The following CABS1 variants were observed in gnomAD, a reference collection of about 807,000 sequenced individuals.
The protein encoded by CABS1 is calcium-binding and spermatid-specific protein 1.
For missense variants in CABS1, 500 were observed against 464.3 expected (o/e 1.08, Z -0.71); for synonymous variants, 195 against 169.0 (o/e 1.15, Z -1.19).
rs1451663551 is a variant in CABS1, at chr4:70,335,679, G to A, written c.640G>A (p.Glu214Lys). The change falls in exon 1 of 2, where the codon GAG becomes AAG. Residue 214 changes from glutamate (E) to lysine (K), a missense_variant. Glu to Lys is a moderately conservative substitution (Grantham distance 56, BLOSUM62 1). Transcript: ENST00000273936. ...CCAGGTCACTGATTCCACTATTCCT[G>A]AGGCTGAAATCCCTCCTGCTCCTGA... ...AVQVTDSTIPEAEIPPAPEES... is the reference protein window; with the variant it reads ...AVQVTDSTIPKAEIPPAPEES... The A allele has an allele frequency of 1.2e-6, 2 of 1,613,516 alleles. No individual in the cohort carries two copies. The highest frequency in any genetic ancestry group is 1.7e-5 in the Admixed American group (1 of 59,934).
chr4:70,335,225 AACT>A lies in CABS1; in HGVS notation c.189_191del (p.Thr64del). On this transcript the variant is annotated inframe_deletion, in exon 1 of 2. Transcript: ENST00000273936. ...ATATGCTAGAAAGCGATTTTTCAAC[AACT>A]ACAGACAACAAACTGACAGCTAAAA... 1 of 1,613,680 alleles carries A rather than the reference AACT, an allele frequency of 6.2e-7. No individual in the cohort carries two copies. The highest frequency in any genetic ancestry group is 1.1e-5 in the South Asian group (1 of 91,048).
Position 70,336,212 on chromosome 4 carries a change from T to C in CABS1, c.1173T>C (p.Asp391=). The change falls in exon 1 of 2, where the codon GAT becomes GAC. Residue 391 remains aspartate (D), a synonymous_variant. Coordinates refer to ENST00000273936, the MANE Select transcript of CABS1 (RefSeq NM_033122.4). The stretch of plus-strand genomic sequence containing the variant: ...TTGAACTACTGAAAGAAGAACCCGA[T>C]GAGTTCATGATTTAAAAGCAACAAA... ...DIFELLKEEP[D]EFMI 6.2e-7 allele frequency: 1 copy of C among 1,610,450 alleles called. No homozygotes were observed. The highest frequency in any genetic ancestry group is 8.5e-7 in the Non-Finnish European group (1 of 1,178,386).
In CABS1 at chr4:70,335,592, G is replaced by A; in HGVS notation, c.553G>A (p.Glu185Lys). The change falls in exon 1 of 2, where the codon GAA becomes AAA. Residue 185 changes from glutamate to lysine, a missense_variant. By Grantham distance (56) the Glu-to-Lys change is moderately conservative. Coordinates refer to ENST00000273936, the MANE Select transcript of CABS1 (RefSeq NM_033122.4). ...TCCTGCCTTTCCACGTAAAAAGGAT[G>A]AAGCTGATATGAGCAATTATAATTC... ...DAPAFPRKKD[E>K]ADMSNYNSSI... 6.2e-7 allele frequency: 1 copy of A among 1,613,616 alleles called. No homozygotes were observed. The highest frequency in any genetic ancestry group is 8.5e-7 in the Non-Finnish European group (1 of 1,179,748).
Position 70,335,082 on chromosome 4 carries a change from A to G in CABS1, c.43A>G (p.Thr15Ala), listed in dbSNP as rs115130040. The change falls in exon 1 of 2, where the codon ACA becomes GCA. Residue 15 changes from threonine (T) to alanine (A), a missense_variant. Thr to Ala is a moderately conservative substitution (Grantham distance 58). Transcript: ENST00000273936. ...GLPKIYSHPP[T>A]ESSKTPTAAT... ...GCCCAAAATTTATTCTCATCCTCCA[A>G]CAGAAAGCAGTAAAACACCAACTGC... 5,659 of 1,613,462 alleles carry G rather than the reference A, an allele frequency of 3.5e-3. 138 individuals are homozygous for G. The African/African-American group carries it at 0.057, about 16-fold the overall frequency.
chr4:70,336,064 A>G lies in CABS1; in HGVS notation c.1025A>G (p.Asp342Gly). ...GTGGAAGAATCATCTACAGAAGAAGATTTGTCTGAAACTGATAATACAGAG... is the reference window on the plus strand; with the variant it reads ...GTGGAAGAATCATCTACAGAAGAAGGTTTGTCTGAAACTGATAATACAGAG... ...NLVEESSTEE[D>G]LSETDNTETV... Residue 342 changes from aspartate to glycine, a missense_variant, in exon 1 of 2, where the codon GAT becomes GGT. Asp to Gly is a moderately conservative substitution (Grantham distance 94). Transcript: ENST00000273936. 11 of 1,613,398 alleles carry G rather than the reference A, an allele frequency of 6.8e-6. No homozygotes were observed. Among genetic ancestry groups the G allele is most frequent in the Non-Finnish European group, 9.3e-6 (11 of 1,179,592 alleles).
In CABS1 at chr4:70,336,338, G is replaced by C. The variant is rs182928869; in HGVS notation, c.*111G>C. ...AACCTTTAGAAATGAAAGAATGTGGGCATTTAAGGCAAGTATTCGACTCAA... is the reference window on the plus strand; with the variant it reads ...AACCTTTAGAAATGAAAGAATGTGGCCATTTAAGGCAAGTATTCGACTCAA... On this transcript the variant is annotated 3_prime_UTR_variant, in exon 1 of 2. Transcript: ENST00000273936. 7.3e-7 allele frequency: 1 copy of C among 1,378,168 alleles called. No individual in the cohort carries two copies. Among genetic ancestry groups the C allele is most frequent in the Admixed American group, 3.0e-5 (1 of 33,484 alleles). 85.4% of individuals were successfully genotyped at this position (1,378,168 alleles called of 1,614,324 possible). A position where few individuals can be genotyped will look rare whatever the true frequency, so the allele number is the denominator to read the frequency against.
chr4:70,335,045 T>C lies in CABS1; in HGVS notation c.6T>C (p.Ala2=), dbSNP rs373354793. Residue 2 remains alanine (A), a synonymous_variant, in exon 1 of 2, where the codon GCT becomes GCC. Coordinates refer to ENST00000273936, the MANE Select transcript of CABS1 (RefSeq NM_033122.4). M[A]EDGLPKIYSH... The stretch of plus-strand genomic sequence containing the variant: ...GCACAGTGCCACTTCGCCCCATGGC[T>C]GAAGATGGTTTGCCCAAAATTTATT... The C allele has an allele frequency of 2.4e-5, 38 of 1,612,036 alleles. No homozygotes were observed. Among genetic ancestry groups the C allele is most frequent in the Middle Eastern group, 1.7e-4 (1 of 6,044 alleles).
rs1366967060 is a variant in CABS1 at position 70,335,142 on chromosome 4, C to T, written c.103C>T (p.Pro35Ser). 1 of 1,613,810 alleles carries T rather than the reference C, an allele frequency of 6.2e-7. No homozygotes were observed. Among genetic ancestry groups the T allele is most frequent in the South Asian group, 1.1e-5 (1 of 91,078 alleles). Residue 35 changes from proline to serine, a missense_variant, in exon 1 of 2, where the codon CCC becomes TCC. By Grantham distance (74) the Pro-to-Ser change is moderately conservative. Coordinates refer to ENST00000273936, the MANE Select transcript of CABS1 (RefSeq NM_033122.4). ...TTTCTTTGGGGCTGACAATGCTATTCCCAAATCAGAAACAACTATTACTTC... is the reference window on the plus strand; with the variant it reads ...TTTCTTTGGGGCTGACAATGCTATTTCCAAATCAGAAACAACTATTACTTC... ...TIFFGADNAI[P>S]KSETTITSEG...
chr4:70,335,482 C>T lies in CABS1; in HGVS notation c.443C>T (p.Thr148Ile), dbSNP rs762048196. 53 of 1,613,572 alleles carry T rather than the reference C, an allele frequency of 3.3e-5. No individual in the cohort carries two copies. The highest frequency in any genetic ancestry group is 4.3e-5 in the Non-Finnish European group (51 of 1,179,790). The change falls in exon 1 of 2, where the codon ACC becomes ATC. Residue 148 changes from threonine to isoleucine, a missense_variant. Physicochemically the swap from Thr to Ile is moderately conservative, Grantham distance 89 (BLOSUM62 -1). Transcript: ENST00000273936. Reference protein sequence around the residue: ...DIAKEDILLATIDTGDAEISI... With the variant: ...DIAKEDILLAIIDTGDAEISI... ...GCAAAAGAAGATATCCTCTTAGCTA[C>T]CATTGACACAGGAGATGCAGAGATC...
Position 70,334,993 on chromosome 4 carries a change from G to A in CABS1, c.-47G>A. On this transcript the variant is annotated 5_prime_UTR_variant, in exon 1 of 2. Transcript: ENST00000273936. The stretch of plus-strand genomic sequence containing the variant: ...TGCTCTCCTGCCTAGAGATACCACT[G>A]AGTCCAGAAGCAAGACCTGTGAGAG... 1.9e-6 allele frequency: 3 copies of A among 1,554,190 alleles called. No homozygotes were observed. Among genetic ancestry groups the A allele is most frequent in the Non-Finnish European group, 2.6e-6 (3 of 1,150,702 alleles).
In CABS1 at chr4:70,336,068, G is replaced by C; in HGVS notation, c.1029G>C (p.Leu343Phe). The C allele has an allele frequency of 6.2e-7, 1 of 1,613,308 alleles. No individual in the cohort carries two copies. Among genetic ancestry groups the C allele is most frequent in the Non-Finnish European group, 8.5e-7 (1 of 1,179,558 alleles). Residue 343 changes from leucine to phenylalanine, a missense_variant, in exon 1 of 2, where the codon TTG becomes TTC. Transcript: ENST00000273936. ...LVEESSTEED[L>F]SETDNTETVP... ...AAGAATCATCTACAGAAGAAGATTT[G>C]TCTGAAACTGATAATACAGAGACTG...
chr4:70,336,465 T>A (rs1240036853), intron 1 of CABS1, 119 bp downstream of exon 1: 1 of 403,574 alleles, frequency 2.5e-6, no homozygotes, highest in Admixed American at 4.3e-5. Flanking sequence ...AAAGTTTCAA[T>A]ATTCTAACAA....
Position 70,335,347 on chromosome 4 carries a change from CA to C in CABS1, c.311del (p.Asn104ThrfsTer3), listed in dbSNP as rs750487207. ...GAAATTACCTCTCTGACTGGCACTA[CA>C]AACTCCATAACAAGAGACTCTATTA... ...QKEITSLTGT[T>X]NSITRDSITE... On this transcript the variant is annotated frameshift_variant, in exon 1 of 2. Transcript: ENST00000273936. LOFTEE classifies it low-confidence loss of function (END_TRUNC). The C allele has an allele frequency of 1.1e-5, 18 of 1,613,746 alleles. 1 individual carries two copies. The highest frequency in any genetic ancestry group is 5.5e-5 in the South Asian group (5 of 91,084).
chr4:70,335,729 C>T lies in CABS1; in HGVS notation c.690C>T (p.Asp230=), dbSNP rs1158537142. 6.2e-7 allele frequency: 1 copy of T among 1,613,526 alleles called. No individual in the cohort carries two copies. Among genetic ancestry groups the T allele is most frequent in the Non-Finnish European group, 8.5e-7 (1 of 1,179,750 alleles). ...AAGAAAGCTTCACTACTATTCCAGA[C>T]ATAACTGCCCTTGAAGAAGAGAAAA... is the stretch of plus-strand genomic sequence containing the variant. ...APEESFTTIP[D]ITALEEEKIT... is the part of the protein sequence containing the mutation. Residue 230 remains aspartate, a synonymous_variant, in exon 1 of 2, where the codon GAC becomes GAT. Transcript: ENST00000273936.
At position 70,335,590 on chromosome 4, in the gene CABS1, A is replaced by G; in HGVS notation, c.551A>G (p.Asp184Gly). Residue 184 changes from aspartate (D) to glycine (G), a missense_variant, in exon 1 of 2, where the codon GAT becomes GGT. Asp to Gly is a moderately conservative substitution (Grantham distance 94, BLOSUM62 -1). Coordinates refer to ENST00000273936, the MANE Select transcript of CABS1 (RefSeq NM_033122.4). ...GCTCCTGCCTTTCCACGTAAAAAGGATGAAGCTGATATGAGCAATTATAAT... is the reference window on the plus strand; with the variant it reads ...GCTCCTGCCTTTCCACGTAAAAAGGGTGAAGCTGATATGAGCAATTATAAT... ...ADAPAFPRKK[D>G]EADMSNYNSS... 6.2e-7 allele frequency: 1 copy of G among 1,613,626 alleles called. No individual in the cohort carries two copies. Among genetic ancestry groups the G allele is most frequent in the Non-Finnish European group, 8.5e-7 (1 of 1,179,750 alleles).
rs1731705901 is a variant in CABS1 at position 70,335,605 on chromosome 4, G to A, written c.566G>A (p.Ser189Asn). The A allele has an allele frequency of 1.2e-6, 2 of 1,613,462 alleles. No homozygotes were observed. Among genetic ancestry groups the A allele is most frequent in the Non-Finnish European group, 1.7e-6 (2 of 1,179,776 alleles). Residue 189 changes from serine (S) to asparagine (N), a missense_variant, in exon 1 of 2, where the codon AGC becomes AAC. Physicochemically the swap from Ser to Asn is conservative, Grantham distance 46. Coordinates refer to ENST00000273936, the MANE Select transcript of CABS1 (RefSeq NM_033122.4). Reference protein sequence around the residue: ...FPRKKDEADMSNYNSSIKSNV... With the variant: ...FPRKKDEADMNNYNSSIKSNV... ...CGTAAAAAGGATGAAGCTGATATGA[G>A]CAATTATAATTCCTCCATCAAATCC...
In CABS1 at chr4:70,335,291, C is replaced by T. The variant is rs764962357; in HGVS notation, c.252C>T (p.Asp84=). The stretch of plus-strand genomic sequence containing the variant: ...AATCAGAAGATGATATGGGGACCGA[C>T]TTTATTAAGTCAACAACTCACCTAC... The part of the protein sequence containing the change: ...KLKSEDDMGT[D]FIKSTTHLQK... Residue 84 remains aspartate, a synonymous_variant, in exon 1 of 2, where the codon GAC becomes GAT. Coordinates refer to ENST00000273936, the MANE Select transcript of CABS1 (RefSeq NM_033122.4). 1 of 1,613,686 alleles carries T rather than the reference C, an allele frequency of 6.2e-7. No homozygotes were observed.
At position 70,336,090 on chromosome 4, in the gene CABS1, A is replaced by G. The variant is rs567242455; in HGVS notation, c.1051A>G (p.Thr351Ala). The change falls in exon 1 of 2, where the codon ACT becomes GCT. Residue 351 changes from threonine to alanine, a missense_variant. Physicochemically the swap from Thr to Ala is moderately conservative, Grantham distance 58. Coordinates refer to ENST00000273936, the MANE Select transcript of CABS1 (RefSeq NM_033122.4). ...EDLSETDNTE[T>A]VPKITEPFSG... ...TTTGTCTGAAACTGATAATACAGAGACTGTACCTAAGATCACTGAGCCATT... is the reference window on the plus strand; with the variant it reads ...TTTGTCTGAAACTGATAATACAGAGGCTGTACCTAAGATCACTGAGCCATT... 1 of 1,613,192 alleles carries G rather than the reference A, an allele frequency of 6.2e-7. No individual in the cohort carries two copies. Among genetic ancestry groups the G allele is most frequent in the Admixed American group, 1.7e-5 (1 of 59,910 alleles).
In CABS1 at chr4:70,335,288, C is replaced by A; in HGVS notation, c.249C>A (p.Thr83=). Residue 83 remains threonine, a synonymous_variant, in exon 1 of 2, where the codon ACC becomes ACA. Coordinates refer to ENST00000273936, the MANE Select transcript of CABS1 (RefSeq NM_033122.4). ...EKLKSEDDMG[T]DFIKSTTHLQ... is the part of the protein sequence containing the mutation. ...TCAAATCAGAAGATGATATGGGGAC[C>A]GACTTTATTAAGTCAACAACTCACC... is the stretch of plus-strand genomic sequence containing the variant. The A allele has an allele frequency of 1.2e-6, 2 of 1,613,638 alleles. No homozygotes were observed. Among genetic ancestry groups the A allele is most frequent in the Non-Finnish European group, 1.7e-6 (2 of 1,179,824 alleles).
Sources: allele counts gnomAD v4.1 joint callset, GRCh38; gene constraint gnomAD v4.1.1; transcripts MANE v1.5; gene names NCBI Gene and HGNC (gene_info 2026-07-23, HGNC 2026-07-21).